The following CACNB2 variants were observed in gnomAD, a reference collection of about 807,000 sequenced individuals.
The protein encoded by CACNB2 is voltage-dependent L-type calcium channel subunit beta-2.
CACNB2 carries 42 observed loss-of-function variants against 73.3 expected under a neutral mutation model. That is an observed-to-expected ratio of 0.57 (90% CI 0.45 to 0.74). The LOEUF is 0.74. Among genes scored for constraint, CACNB2 ranks in the 30% least tolerant of loss-of-function variants. The pLI is 0.00. For synonymous variants in CACNB2, 348 were observed against 310.3 expected, an observed-to-expected ratio of 1.12 and a Z score of -1.28; for missense variants, 940 against 853.0, an observed-to-expected ratio of 1.10 and a Z score of -1.27.
chr10:18,220,103 A>AT lies in CACNB2; in HGVS notation c.213+69134dup, dbSNP rs2035673485. On this transcript the variant is annotated intron_variant, in intron 2 of 13. Transcript: ENST00000324631. ...TCTTAATTCCTCTTCTCCTTTTTTT[A>AT]TTTTTTAATATATATATATATATAT... Among the ~76,000 whole-genome samples, 13 of 71,070 alleles carry AT rather than the reference A, an allele frequency of 1.8e-4. 1 individual carries two copies. Among genetic ancestry groups the AT allele is most frequent in the East Asian group, 1.6e-3 (4 of 2,568 alleles). The allele number at this position is 71,070 out of a possible 152,430, so 46.6% of individuals were successfully genotyped here.
chr10:18,536,092 C>A lies in CACNB2; in HGVS notation c.1207-9C>A. The A allele has an allele frequency of 6.5e-7, 1 of 1,544,694 alleles. No individual in the cohort carries two copies. Among genetic ancestry groups the A allele is most frequent in the Non-Finnish European group, 8.9e-7 (1 of 1,117,396 alleles). Reference sequence around the variant, plus strand: ...TATTACTCTGTTAAAAACTCATTATCTTTTACAGGTTTTACAAAGGTTAAT... The same window carrying A: ...TATTACTCTGTTAAAAACTCATTATATTTTACAGGTTTTACAAAGGTTAAT... On this transcript the variant is annotated splice_polypyrimidine_tract_variant and intron_variant, in intron 11 of 13. Coordinates refer to ENST00000324631, the MANE Select transcript of CACNB2 (RefSeq NM_201596.3).
chr10:18,501,247 G>GA (rs1216537439), intron 5 of CACNB2, among the ~76,000 whole-genome samples: 2 of 152,212 alleles, frequency 1.3e-5, no homozygotes, highest in African/African-American at 4.8e-5. Context: ...ATCATTTACT[G>GA]AAAAATAGTC....
At chr10:18,308,211 C>T (rs1220412868) in intron 2 of CACNB2, among the ~76,000 whole-genome samples, 1 of 151,954 alleles carries the variant, frequency 6.6e-6, no homozygotes, top group East Asian at 1.9e-4. Context: ...CCAGGCTAGT[C>T]TCGAACTCCT....
At chr10:18,334,900 C>A (rs1335641703) in intron 2 of CACNB2, among the ~76,000 whole-genome samples, 1 of 152,054 alleles carries the variant, frequency 6.6e-6, no homozygotes, top group Non-Finnish European at 1.5e-5. Context: ...AGATTAGAAA[C>A]CTGGGAGATG....
intron 2 of CACNB2, among the ~76,000 whole-genome samples, chr10:18,240,719 A>G (rs2036616981): frequency 6.6e-6 from 1 of 152,090 alleles, no homozygotes; most frequent in African/African-American, 2.4e-5. Context: ...TCTCCCTCGG[A>G]TGCAGAACCA....
intron 3 of CACNB2, among the ~76,000 whole-genome samples, chr10:18,457,480 C>T (rs138579786): frequency 1.2e-4 from 18 of 152,258 alleles, no homozygotes; most frequent in Admixed American, 8.5e-4. Flanking sequence ...TAAGTTCCTC[C>T]CACATAGCAA....
intron 1 of CACNB2, 30 bp from the exon 2 acceptor site, chr10:18,150,853 G>GTGTTTTTTTTTTTTTTTTT: frequency 1.5e-6 from 1 of 655,042 alleles, no homozygotes; most frequent in Non-Finnish European, 2.1e-6. Flanking sequence ...AATCTTATTT[G>GTGTTTTTTTTTTTTTTTTT]TCTTTTTTTT....
chr10:18,527,409 A>G (rs1186300380), intron 9 of CACNB2, among the ~76,000 whole-genome samples, 179 bp from the exon 10 acceptor site: 3 of 152,192 alleles, frequency 2.0e-5, no homozygotes, highest in African/African-American at 7.2e-5. Flanking sequence ...AGGCAGGTGC[A>G]AGATAAAAAT....
At chr10:18,447,185 T>G (rs2132577252) in intron 3 of CACNB2, among the ~76,000 whole-genome samples, 1 of 152,228 alleles carries the variant, frequency 6.6e-6, no homozygotes, top group East Asian at 1.9e-4. Context: ...TTATAAAAAC[T>G]GGGAAGTTGA....
chr10:18,361,899 C>A (rs1375200858), intron 2 of CACNB2, among the ~76,000 whole-genome samples: 1 of 152,216 alleles, frequency 6.6e-6, no homozygotes, highest in Non-Finnish European at 1.5e-5. Context: ...AGGCGTGAGC[C>A]ACCACACCCA....
chr10:18,346,240 A>G (rs1384682963), intron 2 of CACNB2, among the ~76,000 whole-genome samples: 1 of 151,960 alleles, frequency 6.6e-6, no homozygotes, highest in Middle Eastern at 3.2e-3. Context: ...CCCGGGTTCA[A>G]ACGATTCTCC....
intron 3 of CACNB2, among the ~76,000 whole-genome samples, chr10:18,476,647 A>G (rs2048455532): frequency 6.6e-6 from 1 of 152,086 alleles, no homozygotes; most frequent in Non-Finnish European, 1.5e-5. Flanking sequence ...ACAAAGTTAT[A>G]CCCCTTTGTA....
intron 3 of CACNB2, among the ~76,000 whole-genome samples, chr10:18,433,019 G>C (rs1012719560): frequency 2.0e-5 from 3 of 151,868 alleles, no homozygotes; most frequent in Non-Finnish European, 4.4e-5. Flanking sequence ...GCTTCCCTTT[G>C]GGCTTCCTGT....
At chr10:18,439,707 T>A (rs1268719268) in intron 3 of CACNB2, among the ~76,000 whole-genome samples, 1 of 152,200 alleles carries the variant, frequency 6.6e-6, no homozygotes, top group East Asian at 1.9e-4. Context: ...AGCTTAATTA[T>A]TTGTCATTCA....
chr10:18,433,676 T>TC (rs79932317), intron 3 of CACNB2, among the ~76,000 whole-genome samples: 23,793 of 152,094 alleles, frequency 0.16, 2,179 homozygotes, highest in East Asian at 0.26. Context: ...TATATTTTTT[T>TC]CTTAAGCTAG....
intron 2 of CACNB2, among the ~76,000 whole-genome samples, chr10:18,187,270 C>A (rs1168426704): frequency 3.9e-5 from 6 of 152,186 alleles, no homozygotes; most frequent in Admixed American, 3.9e-4. Context: ...TCACTTAACA[C>A]TGGGCACATT....
chr10:18,391,975 A>G (rs2043495985), intron 2 of CACNB2, among the ~76,000 whole-genome samples: 1 of 151,796 alleles, frequency 6.6e-6, no homozygotes, highest in South Asian at 2.1e-4. Context: ...TTAAAAAAGT[A>G]GAACAGGGTA....
rs776811033 is a variant in CACNB2 at position 18,536,065 on chromosome 10, G to A, written c.1207-36G>A. Reference sequence around the variant, plus strand: ...GTACCTTGTACTTTACCTGGATGTAGTTATTACTCTGTTAAAAACTCATTA... The same window carrying A: ...GTACCTTGTACTTTACCTGGATGTAATTATTACTCTGTTAAAAACTCATTA... On this transcript the variant is annotated intron_variant, in intron 11 of 13. Transcript: ENST00000324631. The A allele has an allele frequency of 1.3e-5, 16 of 1,279,750 alleles. No individual in the cohort carries two copies. The African/African-American group carries it at 2.2e-4, about 18-fold the overall frequency. 79.3% of individuals were successfully genotyped at this position (1,279,750 alleles called of 1,614,324 possible). A position where few individuals can be genotyped will look rare whatever the true frequency, so the allele number is the denominator to read the frequency against.
At chr10:18,506,826 G>A (rs539542132) in intron 6 of CACNB2, among the ~76,000 whole-genome samples, 12 of 152,254 alleles carry the variant, frequency 7.9e-5, no homozygotes, top group Middle Eastern at 3.4e-3. Context: ...TTGAGACAGA[G>A]TCTCACTCTA....
Sources: allele counts gnomAD v4.1 joint callset (sites outside exome capture counted in the v4.1 genomes callset), GRCh38; gene constraint gnomAD v4.1.1; transcripts MANE v1.5; gene names NCBI Gene and HGNC (gene_info 2026-07-23, HGNC 2026-07-21).